GPC5: variants seen among roughly 807,000 people sequenced by gnomAD.
The protein encoded by GPC5 is glypican 5.
A neutral mutation model predicts 53.9 loss-of-function variants in GPC5; 47 were observed. The observed-to-expected ratio is 0.87, with a 90% CI of 0.69 to 1.11. The LOEUF (loss-of-function observed/expected upper bound fraction) is 1.11, where lower values mean the gene tolerates loss of function less well. Ranked by LOEUF, GPC5 falls within the 50% of genes most tolerant of loss-of-function variation. The pLI, the probability that GPC5 is intolerant of heterozygous loss-of-function variation, is 0.00. For synonymous variants in GPC5, 286 were observed against 263.3 expected, an observed-to-expected ratio of 1.09 and a Z score of -0.84; for missense variants, 748 against 713.1, an observed-to-expected ratio of 1.05 and a Z score of -0.56.
At chr13:91,923,397 T>A (rs1006885343) in intron 6 of GPC5, among the ~76,000 whole-genome samples, 2 of 152,304 alleles carry the variant, frequency 1.3e-5, no homozygotes, top group East Asian at 3.9e-4. Flanking sequence ...TTTGAAGCAG[T>A]TAATGCACCT....
intron 7 of GPC5, among the ~76,000 whole-genome samples, chr13:92,811,731 T>C (rs1877308188): frequency 6.6e-6 from 1 of 151,922 alleles, no homozygotes; most frequent in Non-Finnish European, 1.5e-5. Context: ...AGATTTATAG[T>C]TTTAGCTGTT....
At position 91,572,865 on chromosome 13, in the gene GPC5, T is replaced by G. The variant is rs533254094; in HGVS notation, c.326-120322T>G. Among the ~76,000 whole-genome samples the G allele has an allele frequency of 6.6e-5, 10 of 152,308 alleles. No individual in the cohort carries two copies. In the South Asian group the frequency reaches 2.1e-3, roughly 32 times the overall value. On this transcript the variant is annotated intron_variant, in intron 2 of 7. Transcript: ENST00000377067. ...TCAACCTATTCTAATTCTTATGGTG[T>G]GCTTATTTCCTGATCCTTTTGTCAA...
At chr13:92,628,443 G>C (rs928006435) in intron 7 of GPC5, among the ~76,000 whole-genome samples, 1 of 151,724 alleles carries the variant, frequency 6.6e-6, no homozygotes, top group Admixed American at 6.6e-5. Flanking sequence ...CCCCAGGCTA[G>C]AGCCATTAGC....
intron 2 of GPC5, among the ~76,000 whole-genome samples, chr13:91,460,402 A>C (rs1881858831): frequency 2.0e-5 from 3 of 151,842 alleles, no homozygotes. Context: ...GGTTCAAGCA[A>C]TTCTCATGCC....
intron 7 of GPC5, among the ~76,000 whole-genome samples, chr13:92,359,730 C>A (rs2043550641): frequency 6.6e-6 from 1 of 151,510 alleles, no homozygotes; most frequent in South Asian, 2.1e-4. Context: ...GAAGAGAGGG[C>A]AGAGGTGCCA....
At chr13:92,752,503 G>T (rs1017827398) in intron 7 of GPC5, among the ~76,000 whole-genome samples, 8 of 152,150 alleles carry the variant, frequency 5.3e-5, no homozygotes, top group African/African-American at 9.7e-5. Flanking sequence ...GGCCGAATAG[G>T]AATAGCTCCG....
intron 5 of GPC5, among the ~76,000 whole-genome samples, chr13:91,825,842 G>A (rs1351064039): frequency 4.6e-5 from 7 of 152,040 alleles, no homozygotes; most frequent in Admixed American, 3.9e-4. Context: ...AACAACAAAG[G>A]GAAGAAGCCT....
At chr13:92,517,216 G>C (rs1264615571) in intron 7 of GPC5, among the ~76,000 whole-genome samples, 1 of 152,174 alleles carries the variant, frequency 6.6e-6, no homozygotes, top group Non-Finnish European at 1.5e-5. Context: ...GCAGCTCAAG[G>C]AGGCCTGCCT....
At chr13:92,266,869 A>T (rs1457416774) in intron 7 of GPC5, among the ~76,000 whole-genome samples, 1 of 147,804 alleles carries the variant, frequency 6.8e-6, no homozygotes, top group Non-Finnish European at 1.5e-5. Flanking sequence ...TTTCAAACAT[A>T]GAAAGAAAAA....
intron 1 of GPC5, among the ~76,000 whole-genome samples, chr13:91,447,421 T>C (rs1003434721): frequency 6.6e-6 from 1 of 151,994 alleles, no homozygotes; most frequent in Non-Finnish European, 1.5e-5. Flanking sequence ...ATTGCCAAAA[T>C]GTTACCTACT....
At chr13:92,481,521 A>G (rs975347980) in intron 7 of GPC5, among the ~76,000 whole-genome samples, 4 of 152,210 alleles carry the variant, frequency 2.6e-5, no homozygotes, top group Admixed American at 6.5e-5. Context: ...GTCACTTTGT[A>G]TCCGGAAAGC....
intron 7 of GPC5, among the ~76,000 whole-genome samples, chr13:92,236,808 C>T (rs184470579): frequency 5.2e-4 from 79 of 151,802 alleles, no homozygotes; most frequent in Admixed American, 3.9e-3. Context: ...AAGTCAAGTT[C>T]TCTGGAATTG....
chr13:91,826,123 C>A (rs972500851), intron 5 of GPC5, among the ~76,000 whole-genome samples: 1 of 151,296 alleles, frequency 6.6e-6, no homozygotes, highest in African/African-American at 2.4e-5. Flanking sequence ...AAAAAATATG[C>A]ATGCAAGGAA....
intron 7 of GPC5, among the ~76,000 whole-genome samples, chr13:92,837,040 C>T (rs377593522): frequency 1.1e-4 from 16 of 151,980 alleles, no homozygotes; most frequent in Admixed American, 5.9e-4. Context: ...TATACCTAGG[C>T]ACATTATGGA....
At chr13:92,121,277 TCA>T (rs1594771458) in intron 6 of GPC5, among the ~76,000 whole-genome samples, 1 of 152,076 alleles carries the variant, frequency 6.6e-6, no homozygotes, top group African/African-American at 2.4e-5. Context: ...GGGTGGGGAG[TCA>T]CATTTGTGGG....
chr13:92,404,014 C>T (rs73631064), intron 7 of GPC5, among the ~76,000 whole-genome samples: 1 of 152,078 alleles, frequency 6.6e-6, no homozygotes, highest in Non-Finnish European at 1.5e-5. Flanking sequence ...TATTGTATTA[C>T]ATATGAGTTT....
chr13:92,133,569 T>C (rs186706448), intron 6 of GPC5, among the ~76,000 whole-genome samples: 86 of 152,282 alleles, frequency 5.6e-4, no homozygotes, highest in African/African-American at 1.9e-3. Context: ...TTAAAATCTT[T>C]CTTAAAAGGA....
intron 7 of GPC5, among the ~76,000 whole-genome samples, chr13:92,677,776 C>T (rs549480507): frequency 7.0e-6 from 1 of 142,654 alleles, no homozygotes; most frequent in South Asian, 2.5e-4. Flanking sequence ...TGACGCCACC[C>T]CACCCATGTG....
intron 7 of GPC5, among the ~76,000 whole-genome samples, chr13:92,458,359 C>T (rs1462798886): frequency 6.6e-6 from 1 of 151,822 alleles, no homozygotes; most frequent in East Asian, 1.9e-4. Context: ...AGTGCAGTGG[C>T]GCGATCTTGA....
Sources: allele counts gnomAD v4.1 joint callset (sites outside exome capture counted in the v4.1 genomes callset), GRCh38; gene constraint gnomAD v4.1.1; transcripts MANE v1.5; gene names NCBI Gene and HGNC (gene_info 2026-07-23, HGNC 2026-07-21).